Variants in SLC12A9 observed in about 807,000 individuals in gnomAD.
SLC12A9 encodes solute carrier family 12 member 9.
A neutral mutation model predicts 66.0 loss-of-function variants in SLC12A9; 55 were observed. The observed-to-expected ratio is 0.83, with a 90% CI of 0.67 to 1.04. The LOEUF is 1.04. Ranked by LOEUF, SLC12A9 falls within the 50% of genes least tolerant of loss-of-function variation. The pLI, the probability that SLC12A9 is intolerant of heterozygous loss-of-function variation, is 0.00. For synonymous variants in SLC12A9, 577 were observed against 569.0 expected, an observed-to-expected ratio of 1.01 and a Z score of -0.20; for missense variants, 1,061 against 1,241.9, an observed-to-expected ratio of 0.85 and a Z score of 2.19.
chr7:100,840,466 C>T (rs990593913), intron 1 of SLC12A9, among the ~76,000 whole-genome samples: 2 of 152,070 alleles, frequency 1.3e-5, no homozygotes, highest in African/African-American at 4.8e-5. Flanking sequence ...GACCAGTTCC[C>T]GTACATAGAC....
intron 1 of SLC12A9, among the ~76,000 whole-genome samples, chr7:100,830,970 C>A (rs1312370715): frequency 6.6e-6 from 1 of 152,114 alleles, no homozygotes; most frequent in Non-Finnish European, 1.5e-5. Context: ...ATTCACGTTA[C>A]TACCTGAATC....
chr7:100,833,541 T>A (rs1433108127), intron 1 of SLC12A9, among the ~76,000 whole-genome samples: 1 of 151,658 alleles, frequency 6.6e-6, no homozygotes, highest in Non-Finnish European at 1.5e-5. Context: ...GTATGGTGGC[T>A]CATGCCTGTA....
At chr7:100,842,580 C>T (rs1813810756) in intron 1 of SLC12A9, among the ~76,000 whole-genome samples, 1 of 152,156 alleles carries the variant, frequency 6.6e-6, no homozygotes, top group Non-Finnish European at 1.5e-5. Context: ...AGATGGACTG[C>T]CCCAACCGGT....
Position 100,864,894 on chromosome 7 carries a change from G to A in SLC12A9, c.1859-825G>A, listed in dbSNP as rs74783038. On this transcript the variant is annotated intron_variant, in intron 13 of 13. Transcript: ENST00000354161. ...ACCATGCAATGAACCACCATGATTA[G>A]GGTTTTGGTAAAACCTACTAGGGTT... 2.9e-3 allele frequency among the ~76,000 whole-genome samples: 441 copies of A among 152,286 alleles called. 9 individuals carry two copies. The East Asian group carries it at 0.035, about 12-fold the overall frequency.
chr7:100,845,706 A>C (rs1813895553), intron 1 of SLC12A9, among the ~76,000 whole-genome samples: 1 of 152,186 alleles, frequency 6.6e-6, no homozygotes. Flanking sequence ...GCCAACTCCT[A>C]GGCTTCCCTG....
intron 1 of SLC12A9, among the ~76,000 whole-genome samples, chr7:100,829,105 A>G (rs541263235): frequency 1.1e-4 from 16 of 151,652 alleles, no homozygotes; most frequent in African/African-American, 3.6e-4. Context: ...CTCCTGCCTC[A>G]GCCTCCCGAG....
chr7:100,854,737 A>AG lies in SLC12A9; in HGVS notation c.305dup (p.Gly103ArgfsTer26), dbSNP rs766637822. 2 of 1,613,838 alleles carry AG rather than the reference A, an allele frequency of 1.2e-6. No homozygotes were observed. The highest frequency in any genetic ancestry group is 1.7e-6 in the Non-Finnish European group (2 of 1,180,006). ...GCCATCGCCACCAATGGAGCCGTGC[A>AG]GGGGGGCGGAGCCTACTGTATCCTC... On this transcript the variant is annotated frameshift_variant, in exon 3 of 14. Transcript: ENST00000354161. LOFTEE classifies it high-confidence loss of function.
At chr7:100,835,270 G>A (rs138589660) in intron 1 of SLC12A9, among the ~76,000 whole-genome samples, 1 of 151,094 alleles carries the variant, frequency 6.6e-6, no homozygotes, top group African/African-American at 2.4e-5. Flanking sequence ...CAGGAGAATC[G>A]CTTGAACCTG....
At chr7:100,836,302 T>TAC (rs2116505738) in intron 1 of SLC12A9, among the ~76,000 whole-genome samples, 1 of 151,988 alleles carries the variant, frequency 6.6e-6, no homozygotes, top group South Asian at 2.1e-4. Context: ...CACAGAAAGA[T>TAC]GTGTGTGGGG....
intron 13 of SLC12A9, chr7:100,865,398 G>A (rs573314842): frequency 2.1e-5 from 33 of 1,536,116 alleles, no homozygotes; most frequent in East Asian, 9.8e-5. Flanking sequence ...CAGATGCCCC[G>A]CTAGAAGCCG....
At position 100,861,962 on chromosome 7, in the gene SLC12A9, C is replaced by T. The variant is rs1814786204; in HGVS notation, c.1711+51C>T. ...TCACTCCCATCCTTCTCTCCCCCTA[C>T]CTTTTTTTTTTTTTTGAGATGGAGC... On this transcript the variant is annotated intron_variant, in intron 12 of 13. Transcript: ENST00000354161. The surrounding 1 kb of genome is among the most constrained non-coding windows in gnomAD (Gnocchi z 5.3). The T allele has an allele frequency of 6.8e-7, 1 of 1,477,166 alleles. No homozygotes were observed. Among genetic ancestry groups the T allele is most frequent in the Non-Finnish European group, 9.0e-7 (1 of 1,109,950 alleles). 91.5% of individuals were successfully genotyped at this position (1,477,166 alleles called of 1,614,324 possible).
At position 100,854,148 on chromosome 7, in the gene SLC12A9, CT is replaced by C. The variant is rs748852255; in HGVS notation, c.-42-5del. 1.3e-6 allele frequency: 2 copies of C among 1,496,820 alleles called. No individual in the cohort carries two copies. The highest frequency in any genetic ancestry group is 2.8e-5 in the African/African-American group (2 of 70,620). 92.7% of individuals were successfully genotyped at this position (1,496,820 alleles called of 1,614,324 possible). A position where few individuals can be genotyped will look rare whatever the true frequency, so the allele number is the denominator to read the frequency against. On this transcript the variant is annotated splice_polypyrimidine_tract_variant and splice_region_variant and intron_variant, in intron 1 of 13. Transcript: ENST00000354161. ...GGAGCTTTTGATGCAACATAATCTC[CT>C]TTGCAGGTCACCTAACCCATTTGTG... is the stretch of plus-strand genomic sequence containing the variant.
Position 100,859,990 on chromosome 7 carries a change from G to A in SLC12A9, c.1083G>A (p.Ser361=), listed in dbSNP as rs148126705. 2,882 of 1,613,392 alleles carry A rather than the reference G, an allele frequency of 1.8e-3. 25 individuals carry two copies. The highest frequency in any genetic ancestry group is 0.015 in the African/African-American group (1,158 of 75,012). ...YATALSASMS[S]LIGASRILHA... Reference sequence around the variant, plus strand: ...CAGCGCTCTCAGCGTCCATGAGCTCGCTCATTGGTGCCTCCCGCATCCTCC... The same window carrying A: ...CAGCGCTCTCAGCGTCCATGAGCTCACTCATTGGTGCCTCCCGCATCCTCC... Residue 361 remains serine (S), a synonymous_variant, in exon 8 of 14, where the codon TCG becomes TCA. Transcript: ENST00000354161.
chr7:100,858,263 T>G (rs987584531), intron 5 of SLC12A9: 1 of 152,022 alleles, frequency 6.6e-6, no homozygotes, highest in African/African-American at 2.4e-5. Flanking sequence ...AATACAAAAA[T>G]TAGCCAGGCG....
rs561967900 is a variant in SLC12A9 at position 100,835,374 on chromosome 7, G to T, written n.228+8327G>T. On this transcript the variant is annotated intron_variant and non_coding_transcript_variant, in intron 1 of 1. Transcript: ENST00000461016. ...TGTCTTTAAAAAAAAAAAAAATGCC[G>T]GGCGCGGTCGCTCATGCCTGTAATC... 3.4e-5 allele frequency among the ~76,000 whole-genome samples: 5 copies of T among 147,196 alleles called. No individual in the cohort carries two copies. In the South Asian group the frequency reaches 6.5e-4, roughly 19 times the overall value.
chr7:100,831,735 C>T (rs1813548146), intron 1 of SLC12A9, among the ~76,000 whole-genome samples: 1 of 152,162 alleles, frequency 6.6e-6, no homozygotes, highest in Non-Finnish European at 1.5e-5. Flanking sequence ...CAGCAAATCA[C>T]CCCTTTCTCC....
Position 100,865,788 on chromosome 7 carries a change from C to T in SLC12A9, c.1928C>T (p.Thr643Met), listed in dbSNP as rs201536686. 361 of 1,614,042 alleles carry T rather than the reference C, an allele frequency of 2.2e-4. No individual in the cohort carries two copies. Among genetic ancestry groups the T allele is most frequent in the Non-Finnish European group, 2.7e-4 (324 of 1,180,020 alleles). ...DDAPPQDHFLTDPAFSEPADS... is the reference protein window; with the variant it reads ...DDAPPQDHFLMDPAFSEPADS... ...GCTCCACCGCAGGACCATTTCCTGACGGACCCGGCTTTCTCTGAGCCTGCA... is the reference window on the plus strand; with the variant it reads ...GCTCCACCGCAGGACCATTTCCTGATGGACCCGGCTTTCTCTGAGCCTGCA... The change falls in exon 14 of 14, where the codon ACG becomes ATG. Residue 643 changes from threonine to methionine, a missense_variant. Coordinates refer to ENST00000354161, the MANE Select transcript of SLC12A9 (RefSeq NM_020246.4).
At chr7:100,864,198 C>A (rs1250608419) in intron 13 of SLC12A9, among the ~76,000 whole-genome samples, 1 of 151,510 alleles carries the variant, frequency 6.6e-6, no homozygotes, top group Non-Finnish European at 1.5e-5. Flanking sequence ...CCATCTCAGC[C>A]TCCCAAGTAG....
chr7:100,860,603 G>T (rs1324314287), intron 9 of SLC12A9: 3 of 367,292 alleles, frequency 8.2e-6, no homozygotes, highest in Non-Finnish European at 1.5e-5. Flanking sequence ...CCAACACTTT[G>T]TGGGGGTTCA....
Sources: allele counts gnomAD v4.1 joint callset (sites outside exome capture counted in the v4.1 genomes callset), GRCh38; gene constraint gnomAD v4.1.1; non-coding constraint Gnocchi (gnomAD v3.1); transcripts MANE v1.5; gene names NCBI Gene and HGNC (gene_info 2026-07-23, HGNC 2026-07-21).